The following POLN variants were observed in gnomAD, a reference collection of about 807,000 sequenced individuals.
POLN encodes DNA polymerase nu, also known as DNA polymerase N.
POLN carries 108 observed loss-of-function variants against 113.5 expected under a neutral mutation model. The ratio of observed to expected loss-of-function variants is 0.95; its 90% CI spans 0.81 to 1.12. The LOEUF (loss-of-function observed/expected upper bound fraction) is 1.12, where lower values mean the gene tolerates loss of function less well. Ranked by LOEUF, POLN falls within the 50% of genes most tolerant of loss-of-function variation. The pLI is 0.00. For synonymous variants in POLN, 386 were observed against 391.5 expected (o/e 0.99, Z 0.17); for missense variants, 1,097 against 1,077.1 (o/e 1.02, Z -0.26).
At chr4:2,228,302 T>C (rs963990022) in intron 3 of POLN, 1 of 176,914 alleles carries the variant, frequency 5.7e-6, no homozygotes, top group Non-Finnish European at 1.2e-5. Context: ...AAAGCCCTGA[T>C]GTTATAAACA....
intron 3 of POLN, among the ~76,000 whole-genome samples, chr4:2,215,313 T>C (rs1406872219): frequency 6.6e-6 from 1 of 152,042 alleles, no homozygotes; most frequent in Non-Finnish European, 1.5e-5. Flanking sequence ...TGACCAAATC[T>C]CCCCGCTTAT....
intron 4 of POLN, among the ~76,000 whole-genome samples, chr4:2,210,528 C>A (rs1733962957): frequency 6.6e-6 from 1 of 150,704 alleles, no homozygotes; most frequent in South Asian, 2.1e-4. Context: ...CTACAGTGAG[C>A]CGTGGTCACA....
intron 19 of POLN, among the ~76,000 whole-genome samples, chr4:2,097,867 A>G (rs1406603053): frequency 6.6e-6 from 1 of 152,086 alleles, no homozygotes; most frequent in Non-Finnish European, 1.5e-5. Flanking sequence ...CTATTTTTCA[A>G]AGTTTTGATG....
rs1258589586 is a variant in POLN at position 2,171,296 on chromosome 4, T to A, written c.1375-115A>T. 3 of 863,680 alleles carry A rather than the reference T, an allele frequency of 3.5e-6. No individual in the cohort carries two copies. In the East Asian group the frequency reaches 8.5e-5, roughly 25 times the overall value. The allele number at this position is 863,680 out of a possible 1,614,324, so 53.5% of individuals were successfully genotyped here. ...AGATGGGCACGGTGGCTTATGCCTGTGATACCAGCCCTTTGGGAGGCTGAG... is the reference window on the plus strand; with the variant it reads ...AGATGGGCACGGTGGCTTATGCCTGAGATACCAGCCCTTTGGGAGGCTGAG... On this transcript the variant is annotated intron_variant, in intron 11 of 25. Coordinates refer to ENST00000511885, the MANE Select transcript of POLN (RefSeq NM_181808.4).
At chr4:2,107,738 G>A (rs982387671) in intron 19 of POLN, among the ~76,000 whole-genome samples, 1 of 152,198 alleles carries the variant, frequency 6.6e-6, no homozygotes, top group African/African-American at 2.4e-5. Flanking sequence ...TACTGGCCAT[G>A]GCACTGAGCT....
intron 19 of POLN, among the ~76,000 whole-genome samples, chr4:2,100,782 T>C (rs1730903832): frequency 6.6e-6 from 1 of 152,242 alleles, no homozygotes; most frequent in African/African-American, 2.4e-5. Flanking sequence ...CCAAACAGGC[T>C]GTAGTATATT....
At chr4:2,220,126 C>A (rs1734219850) in intron 3 of POLN, among the ~76,000 whole-genome samples, 1 of 152,172 alleles carries the variant, frequency 6.6e-6, no homozygotes, top group Non-Finnish European at 1.5e-5. Flanking sequence ...ACAAATTCAC[C>A]CCTCGTTGCA....
intron 16 of POLN, among the ~76,000 whole-genome samples, chr4:2,155,329 G>T (rs1577727264): frequency 6.6e-6 from 1 of 152,170 alleles, no homozygotes; most frequent in East Asian, 1.9e-4. Flanking sequence ...GCTAGATAAA[G>T]ACCCCAGAAG....
rs746309004 is a variant in POLN, at chr4:2,193,239, A to G, written c.986T>C (p.Leu329Pro). The change falls in exon 7 of 26, where the codon CTG becomes CCG. Residue 329 changes from leucine to proline, a missense_variant. By Grantham distance (98) the Leu-to-Pro change is moderately conservative. Coordinates refer to ENST00000511885, the MANE Select transcript of POLN (RefSeq NM_181808.4). ...FNAKDFVRIV[L>P]QFFGNDGSWK... ...ACTGCCATCATTGCCAAAAAACTGC[A>G]GCACTATTCTCACAAAATCCTTAGC... 8.7e-6 allele frequency: 14 copies of G among 1,610,600 alleles called. No homozygotes were observed. In the Admixed American group the frequency reaches 1.5e-4, roughly 17 times the overall value.
intron 5 of POLN, 119 bp from the exon 6 acceptor site, chr4:2,198,836 T>G: frequency 4.1e-6 from 4 of 973,268 alleles, no homozygotes; most frequent in Non-Finnish European, 5.9e-6. Context: ...TGTAAATGAA[T>G]AGTTTTTTAA....
At chr4:2,162,766 T>A (rs1022301990) in intron 13 of POLN, among the ~76,000 whole-genome samples, 1 of 150,998 alleles carries the variant, frequency 6.6e-6, no homozygotes, top group Non-Finnish European at 1.5e-5. Context: ...CCGATTTTAT[T>A]TTTTTTTTAC....
rs376477448 is a variant in POLN at position 2,162,405 on chromosome 4, G to T, written c.1555-3194C>A. On this transcript the variant is annotated intron_variant, in intron 13 of 25. Coordinates refer to ENST00000511885, the MANE Select transcript of POLN (RefSeq NM_181808.4). ...AAACTCCAAACACATCCGAACATCA[G>T]AAGGAACAAACTCCAGACGCGCCAC... 5.0e-4 allele frequency among the ~76,000 whole-genome samples: 76 copies of T among 152,148 alleles called. No homozygotes were observed. The East Asian group carries it at 0.012, about 25-fold the overall frequency.
Position 2,072,060 on chromosome 4 carries a change from G to A in POLN, c.*54C>T. ...GTACAGAGCTGGTGACCTTGGGGAA[G>A]GCCACACAATGGACTGCTGGAAACC... On this transcript the variant is annotated 3_prime_UTR_variant, in exon 26 of 26. Coordinates refer to ENST00000511885, the MANE Select transcript of POLN (RefSeq NM_181808.4). The A allele has an allele frequency of 6.3e-7, 1 of 1,590,262 alleles. No homozygotes were observed. Among genetic ancestry groups the A allele is most frequent in the Non-Finnish European group, 8.6e-7 (1 of 1,159,296 alleles).
At chr4:2,141,878 C>T (rs960212557) in intron 16 of POLN, among the ~76,000 whole-genome samples, 2 of 152,218 alleles carry the variant, frequency 1.3e-5, no homozygotes, top group African/African-American at 4.8e-5. Context: ...GCTGGCATTC[C>T]CCTCCTCTGG....
intron 3 of POLN, chr4:2,228,705 A>T: frequency 5.8e-6 from 1 of 173,802 alleles, no homozygotes; most frequent in Admixed American, 6.0e-5. Flanking sequence ...GCCACCTAAG[A>T]GTTTACATTT....
At chr4:2,239,332 T>C (rs561483078) in intron 2 of POLN, among the ~76,000 whole-genome samples, 1 of 152,338 alleles carries the variant, frequency 6.6e-6, no homozygotes, top group Non-Finnish European at 1.5e-5. Flanking sequence ...AATAGGACAC[T>C]ATTCACTGAA....
chr4:2,119,279 T>G (rs910489928), intron 19 of POLN, among the ~76,000 whole-genome samples: 1 of 152,252 alleles, frequency 6.6e-6, no homozygotes, highest in Admixed American at 6.5e-5. Flanking sequence ...TGTTTTGTAT[T>G]TGCATTTTAT....
intron 7 of POLN, among the ~76,000 whole-genome samples, chr4:2,186,488 A>G (rs1044382706): frequency 3.3e-5 from 5 of 152,120 alleles, no homozygotes; most frequent in African/African-American, 7.2e-5. Flanking sequence ...TTTCCTCATC[A>G]GGGATGGGGA....
At chr4:2,175,198 C>T (rs528894272) in intron 9 of POLN, among the ~76,000 whole-genome samples, 5 of 152,172 alleles carry the variant, frequency 3.3e-5, no homozygotes, top group East Asian at 3.9e-4. Context: ...CACCCAACCT[C>T]GACTCCTCTT....
Sources: gnomAD v4.1 joint callset for allele counts (sites outside exome capture counted in the v4.1 genomes callset) on GRCh38, gnomAD v4.1.1 for gene constraint, MANE v1.5 for transcripts, NCBI Gene and HGNC (gene_info 2026-07-23, HGNC 2026-07-21) for gene names.